The following DSE variants were observed in gnomAD, a reference collection of about 807,000 sequenced individuals.
DSE encodes dermatan sulfate epimerase.
Under a neutral mutation model 84.4 loss-of-function variants are expected in DSE, and 36 were observed. The ratio of observed to expected loss-of-function variants is 0.43; its 90% CI spans 0.33 to 0.56. DSE has a LOEUF of 0.56. Ranked by LOEUF, DSE falls within the 20% of genes least tolerant of loss-of-function variation. The pLI, the probability that DSE is intolerant of heterozygous loss-of-function variation, is 0.06. For missense variants in DSE, 862 were observed against 1,169.6 expected (o/e 0.74, Z 3.84); for synonymous variants, 410 against 430.1 (o/e 0.95, Z 0.58).
At chr6:116,282,421 G>T (rs1364404398) in intron 2 of DSE, among the ~76,000 whole-genome samples, 1 of 151,810 alleles carries the variant, frequency 6.6e-6, no homozygotes, top group African/African-American at 2.4e-5. Context: ...GGCTTTATTT[G>T]TCAAAGAAGC....
intron 2 of DSE, chr6:116,412,784 A>G (rs990566163): frequency 3.3e-5 from 5 of 151,864 alleles, no homozygotes; most frequent in African/African-American, 9.7e-5. Flanking sequence ...TTGGGATTCA[A>G]TTTATCCTGA....
At chr6:116,434,281 A>G (rs865863954) in intron 5 of DSE, among the ~76,000 whole-genome samples, 2 of 152,186 alleles carry the variant, frequency 1.3e-5, no homozygotes, top group African/African-American at 4.8e-5. Flanking sequence ...TTAATCCCTG[A>G]TGTCTTTTCA....
intron 2 of DSE, chr6:116,288,375 C>T (rs1404994793): frequency 1.3e-5 from 2 of 152,038 alleles, no homozygotes; most frequent in Non-Finnish European, 2.9e-5. Context: ...TATAATCTGG[C>T]ACTAAATTTT....
intron 2 of DSE, among the ~76,000 whole-genome samples, chr6:116,282,947 G>T (rs1310266275): frequency 6.6e-6 from 1 of 152,134 alleles, no homozygotes; most frequent in Non-Finnish European, 1.5e-5. Context: ...CAAAGCTGTG[G>T]TTGCTATTCA....
At chr6:116,397,454 G>A (rs566352269) in intron 1 of DSE, among the ~76,000 whole-genome samples, 13 of 152,044 alleles carry the variant, frequency 8.6e-5, no homozygotes, top group Non-Finnish European at 1.9e-4. Flanking sequence ...GGGCCCGCCC[G>A]CCTCCGCCTC....
intron 4 of DSE, 70 bp downstream of exon 4, chr6:116,431,263 A>G (rs1423156739): frequency 6.4e-7 from 1 of 1,562,190 alleles, no homozygotes; most frequent in Non-Finnish European, 8.7e-7. Context: ...AAAATGAGCT[A>G]GACTAGGCAG....
intron 2 of DSE, among the ~76,000 whole-genome samples, chr6:116,345,411 A>G (rs1189015774): frequency 6.6e-6 from 1 of 152,232 alleles, no homozygotes; most frequent in Non-Finnish European, 1.5e-5. Context: ...AAATTATAAC[A>G]AACTGTCTCT....
At chr6:116,266,922 A>G (rs903797175) in intron 2 of DSE, among the ~76,000 whole-genome samples, 1 of 152,232 alleles carries the variant, frequency 6.6e-6, no homozygotes, top group African/African-American at 2.4e-5. Context: ...GATGGATCAC[A>G]TATCCAACAG....
chr6:116,331,407 T>C (rs1260390980), intron 2 of DSE, among the ~76,000 whole-genome samples: 1 of 152,136 alleles, frequency 6.6e-6, no homozygotes, highest in East Asian at 1.9e-4. Context: ...CACTGCGAAG[T>C]GGGGAAAAGC....
intron 2 of DSE, among the ~76,000 whole-genome samples, chr6:116,283,146 T>C (rs924155401): frequency 1.3e-5 from 2 of 152,244 alleles, no homozygotes; most frequent in Admixed American, 1.3e-4. Flanking sequence ...CCTGTCTTGC[T>C]TTAAAATGTG....
upstream of DSE, among the ~76,000 whole-genome samples, chr6:116,367,600 G>C (rs1206905717): frequency 6.6e-6 from 1 of 152,054 alleles, no homozygotes; most frequent in African/African-American, 2.4e-5. Flanking sequence ...AACATGGAAG[G>C]GATGCCTCTG....
At chr6:116,371,805 T>G (rs1489393148) in intron 1 of DSE, among the ~76,000 whole-genome samples, 1 of 152,200 alleles carries the variant, frequency 6.6e-6, no homozygotes, top group Non-Finnish European at 1.5e-5. Flanking sequence ...CGATGCCACA[T>G]GGGCTCAAGA....
intron 1 of DSE, among the ~76,000 whole-genome samples, chr6:116,391,615 A>C (rs1048094656): frequency 6.6e-6 from 1 of 151,822 alleles, no homozygotes; most frequent in Non-Finnish European, 1.5e-5. Context: ...AAATACAAAA[A>C]ATTAGCTGGG....
chr6:116,335,505 T>G (rs1777192356), intron 2 of DSE, among the ~76,000 whole-genome samples: 2 of 152,220 alleles, frequency 1.3e-5, no homozygotes, highest in South Asian at 2.1e-4. Context: ...AAAACTGTAC[T>G]TGTACCCCTA....
intron 1 of DSE, among the ~76,000 whole-genome samples, chr6:116,374,868 T>C (rs1779825703): frequency 6.6e-6 from 1 of 152,230 alleles, no homozygotes; most frequent in Non-Finnish European, 1.5e-5. Context: ...CTCTAGGTCC[T>C]ACCTTTCAAT....
chr6:116,407,141 GC>G (rs1781981524), intron 2 of DSE, among the ~76,000 whole-genome samples: 1 of 152,074 alleles, frequency 6.6e-6, no homozygotes, highest in African/African-American at 2.4e-5. Flanking sequence ...CCTGGGTTTC[GC>G]CCAGACTCAC....
intron 2 of DSE, among the ~76,000 whole-genome samples, chr6:116,409,308 G>A (rs192137420): frequency 6.6e-6 from 1 of 151,964 alleles, no homozygotes; most frequent in Admixed American, 6.6e-5. Flanking sequence ...ACAGAGTCTC[G>A]CTCTGTCGCC....
intron 2 of DSE, among the ~76,000 whole-genome samples, chr6:116,422,078 G>C (rs1440211423): frequency 6.6e-6 from 1 of 152,084 alleles, no homozygotes; most frequent in African/African-American, 2.4e-5. Context: ...AAATCCATTG[G>C]CATATTTTAC....
intron 2 of DSE, among the ~76,000 whole-genome samples, chr6:116,293,629 T>C (rs1243388811): frequency 1.3e-5 from 2 of 152,174 alleles, no homozygotes; most frequent in African/African-American, 2.4e-5. Flanking sequence ...AGGCCAGACA[T>C]GGTAGCTCAC....
Sources: gnomAD v4.1 joint callset for allele counts (sites outside exome capture counted in the v4.1 genomes callset) on GRCh38, gnomAD v4.1.1 for gene constraint, MANE v1.5 for transcripts, NCBI Gene and HGNC (gene_info 2026-07-23, HGNC 2026-07-21) for gene names.